CCDC141: variants seen among roughly 807,000 people sequenced by gnomAD.
CCDC141 encodes coiled-coil domain-containing protein 141.
In CCDC141, 168 loss-of-function variants were observed where a neutral mutation model predicts 181.0. That is an observed-to-expected ratio of 0.93 (90% CI 0.82 to 1.05). The LOEUF (loss-of-function observed/expected upper bound fraction) is 1.05, where lower values mean the gene tolerates loss of function less well. CCDC141 is among the 50% of genes least tolerant of loss of function. The pLI is 0.00. For missense variants in CCDC141, 1,902 were observed against 1,788.5 expected (o/e 1.06, Z -1.14); for synonymous variants, 666 against 642.3 (o/e 1.04, Z -0.56).
intron 8 of CCDC141, among the ~76,000 whole-genome samples, chr2:178,894,162 C>T (rs1013754238): frequency 1.1e-4 from 17 of 152,146 alleles, no homozygotes; most frequent in Non-Finnish European, 2.5e-4. Flanking sequence ...TTCTGGTTTC[C>T]TGACTGCATC....
chr2:178,873,091 A>G (rs534219441), intron 12 of CCDC141: 1 of 152,176 alleles, frequency 6.6e-6, no homozygotes, highest in African/African-American at 2.4e-5. Context: ...TGGCGAAACA[A>G]TTCTTATGTT....
rs756966438 is a variant in CCDC141 at position 178,833,912 on chromosome 2, A to G, written c.*261T>C. The G allele has an allele frequency of 3.2e-5, 13 of 404,872 alleles. No individual in the cohort carries two copies. The highest frequency in any genetic ancestry group is 5.8e-5 in the Non-Finnish European group (13 of 225,448). The allele number at this position is 404,872 out of a possible 1,614,324, so 25.1% of individuals were successfully genotyped here. A position where few individuals can be genotyped will look rare whatever the true frequency, so the allele number is the denominator to read the frequency against. On this transcript the variant is annotated 3_prime_UTR_variant, in exon 24 of 24. Transcript: ENST00000443758. ...AATAGGCATAGAATAATTTTGCTGC[A>G]TATTATGTTGAAAACATCTGTTTCT... is the stretch of plus-strand genomic sequence containing the variant.
At position 178,856,380 on chromosome 2, in the gene CCDC141, T is replaced by G; in HGVS notation, c.2742A>C (p.Lys914Asn). The G allele has an allele frequency of 6.3e-7, 1 of 1,592,742 alleles. No individual in the cohort carries two copies. Among genetic ancestry groups the G allele is most frequent in the South Asian group, 1.1e-5 (1 of 89,266 alleles). ...AATTATTGAATTTCTTTTTGATATCTTTGAATGAGTCTTTGAGCTGTAGTT... is the reference window on the plus strand; with the variant it reads ...AATTATTGAATTTCTTTTTGATATCGTTGAATGAGTCTTTGAGCTGTAGTT... ...DEINELKDSFKDIKKKFNNLK... is the reference protein window; with the variant it reads ...DEINELKDSFNDIKKKFNNLK... Residue 914 changes from lysine (K) to asparagine (N), a missense_variant, in exon 18 of 24, where the codon AAA becomes AAC. By Grantham distance (94) the Lys-to-Asn change is moderately conservative (BLOSUM62 0). Coordinates refer to ENST00000443758, the MANE Select transcript of CCDC141 (RefSeq NM_173648.4).
chr2:178,881,123 A>C (rs570809752), intron 11 of CCDC141, among the ~76,000 whole-genome samples: 54 of 152,344 alleles, frequency 3.5e-4, no homozygotes, highest in African/African-American at 1.2e-3. Context: ...TTTAAGAACA[A>C]AAAAGGAAAG....
intron 2 of CCDC141, among the ~76,000 whole-genome samples, chr2:179,015,509 T>TATATGTGCCATATATATC: frequency 7.0e-6 from 1 of 142,802 alleles, no homozygotes. Context: ...ATATATATCA[T>TATATGTGCCATATATATC]ATATGTATCA....
intron 2 of CCDC141, chr2:179,001,904 C>T (rs142448467): frequency 0.053 from 7,987 of 151,868 alleles, 276 homozygotes; most frequent in South Asian, 0.085. Flanking sequence ...CTGCAACCTC[C>T]GCCTCCCAGG....
rs565687408 is a variant in CCDC141 at position 179,010,139 on chromosome 2, A to G, written c.226-31464T>C. Among the ~76,000 whole-genome samples, 49 of 152,170 alleles carry G rather than the reference A, an allele frequency of 3.2e-4. 1 individual carries two copies. The highest frequency in any genetic ancestry group is 1.2e-3 in the African/African-American group (49 of 41,550). ...AGAAAATATGAACAAAGCCTCCAAG[A>G]AGTCTGGGATTATGTTAAATGACAA... On this transcript the variant is annotated intron_variant, in intron 2 of 23. Transcript: ENST00000443758.
rs760403638 is a variant in CCDC141, at chr2:178,850,030, T to C, written c.3357+19A>G. 5.3e-5 allele frequency: 70 copies of C among 1,320,674 alleles called. No individual in the cohort carries two copies. The South Asian group carries it at 8.2e-4, about 16-fold the overall frequency. The allele number at this position is 1,320,674 out of a possible 1,614,324, so 81.8% of individuals were successfully genotyped here. ...ATTTATTTTGCTTGAAAATACATAT[T>C]CTAGGAAGAAGAAATTACCTTCAGT... is the stretch of plus-strand genomic sequence containing the variant. On this transcript the variant is annotated intron_variant, in intron 21 of 23. Coordinates refer to ENST00000443758, the MANE Select transcript of CCDC141 (RefSeq NM_173648.4).
At position 178,837,733 on chromosome 2, in the gene CCDC141, C is replaced by A; in HGVS notation, c.3486G>T (p.Gln1162His). ...FNEERNKGQV[Q>H]VADLLGINGT... ...CATTGATGCCCAAAAGATCTGCCAC[C>A]TGCACCTGCCCCTTGAAAAAAGAAA... is the stretch of plus-strand genomic sequence containing the variant. The change falls in exon 23 of 24, where the codon CAG becomes CAT. Residue 1162 changes from glutamine (Q) to histidine (H), a missense_variant. By Grantham distance (24) the Gln-to-His change is conservative. Transcript: ENST00000443758. The A allele has an allele frequency of 6.2e-7, 1 of 1,607,328 alleles. No individual in the cohort carries two copies. The highest frequency in any genetic ancestry group is 8.5e-7 in the Non-Finnish European group (1 of 1,177,106).
At chr2:178,978,706 G>A (rs1309335283) in intron 2 of CCDC141, 31 bp from the exon 3 acceptor site, 2 of 1,450,012 alleles carry the variant, frequency 1.4e-6, no homozygotes, top group South Asian at 1.4e-5. Context: ...CATAAGGCAG[G>A]GTGTTAACTT....
intron 2 of CCDC141, among the ~76,000 whole-genome samples, chr2:178,991,163 G>A (rs1045370854): frequency 1.3e-5 from 2 of 152,076 alleles, no homozygotes; most frequent in Non-Finnish European, 2.9e-5. Flanking sequence ...CTTACTAGTG[G>A]CAATGAAATT....
At chr2:178,903,156 G>T (rs995412611) in intron 8 of CCDC141, among the ~76,000 whole-genome samples, 2 of 147,160 alleles carry the variant, frequency 1.4e-5, no homozygotes, top group Non-Finnish European at 3.0e-5. Context: ...TACACTGTTC[G>T]TGGGACTGTA....
chr2:178,966,002 C>A (rs1466944898), intron 4 of CCDC141, among the ~76,000 whole-genome samples: 3 of 152,218 alleles, frequency 2.0e-5, no homozygotes, highest in Non-Finnish European at 4.4e-5. Context: ...AACAAAGCCA[C>A]TGGGAAGTTT....
At chr2:178,822,813 A>G in the CCDC141 span, among the ~76,000 whole-genome samples, 2 of 152,220 alleles carry the variant, frequency 1.3e-5, no homozygotes, top group Non-Finnish European at 2.9e-5. Context: ...AATTTAAAAC[A>G]AAAGTGAAGA....
At chr2:178,856,529 C>A (rs1037998195) in intron 17 of CCDC141, 132 bp from the exon 18 acceptor site, 83 of 500,330 alleles carry the variant, frequency 1.7e-4, no homozygotes, top group Middle Eastern at 1.7e-3. Context: ...ATTTTCCCTC[C>A]CTCCCTCCCT....
At chr2:178,963,410 A>G (rs191440917) in intron 4 of CCDC141, among the ~76,000 whole-genome samples, 5 of 152,116 alleles carry the variant, frequency 3.3e-5, no homozygotes, top group African/African-American at 1.2e-4. Flanking sequence ...CGTCAAATAT[A>G]CTGTTTTTTT....
At chr2:178,820,980 C>G in the CCDC141 span, among the ~76,000 whole-genome samples, 4 of 152,144 alleles carry the variant, frequency 2.6e-5, no homozygotes, top group African/African-American at 9.7e-5. Context: ...TACCACTATG[C>G]ATTTTTATAA....
intron 3 of CCDC141, 143 bp from the exon 4 acceptor site, chr2:178,975,308 T>C (rs1241431004): frequency 1.9e-6 from 1 of 523,130 alleles, no homozygotes; most frequent in Admixed American, 3.1e-5. Context: ...TTGTATGTGT[T>C]TGTGTGTGTT....
chr2:178,863,422 A>G (rs1370124879), intron 17 of CCDC141, among the ~76,000 whole-genome samples: 1 of 152,218 alleles, frequency 6.6e-6, no homozygotes, highest in Non-Finnish European at 1.5e-5. Context: ...TTGTTTATGC[A>G]GAAAAAAATC....
Sources: allele counts gnomAD v4.1 joint callset (sites outside exome capture counted in the v4.1 genomes callset), GRCh38; gene constraint gnomAD v4.1.1; transcripts MANE v1.5; gene names NCBI Gene and HGNC (gene_info 2026-07-23, HGNC 2026-07-21).